DCUN1D4: variants seen among roughly 807,000 people sequenced by gnomAD.
DCUN1D4 encodes DCN1-like protein 4.
DCUN1D4 carries 22 observed loss-of-function variants against 47.9 expected under a neutral mutation model. The ratio of observed to expected loss-of-function variants is 0.46; its 90% CI spans 0.33 to 0.66. The LOEUF is 0.66. DCUN1D4 is among the 30% of genes least tolerant of loss of function. DCUN1D4 has a pLI of 0.02. For synonymous variants in DCUN1D4, 121 were observed against 112.2 expected, an observed-to-expected ratio of 1.08 and a Z score of -0.50; for missense variants, 301 against 340.8, an observed-to-expected ratio of 0.88 and a Z score of 0.92.
chr4:51,865,758 A>G (rs543876689), intron 3 of DCUN1D4, among the ~76,000 whole-genome samples: 12 of 152,296 alleles, frequency 7.9e-5, no homozygotes, highest in African/African-American at 2.4e-4. Flanking sequence ...TTCAGAATCA[A>G]TTGAAAATTA....
intron 1 of DCUN1D4, among the ~76,000 whole-genome samples, chr4:51,849,240 A>G (rs1723003868): frequency 6.6e-6 from 1 of 152,162 alleles, no homozygotes; most frequent in Admixed American, 6.5e-5. Context: ...AGAGTAGCCC[A>G]TGTGGCCATT....
chr4:51,856,577 T>C (rs1724177410), intron 1 of DCUN1D4, among the ~76,000 whole-genome samples: 1 of 152,230 alleles, frequency 6.6e-6, no homozygotes, highest in Non-Finnish European at 1.5e-5. Flanking sequence ...TATTTTTGCT[T>C]TTATTGGAAA....
At chr4:51,841,087 C>T (rs190580344), upstream of DCUN1D4, among the ~76,000 whole-genome samples, 2 of 152,280 alleles carry the variant, frequency 1.3e-5, no homozygotes, top group Admixed American at 6.5e-5. Flanking sequence ...CTCTTATACA[C>T]ATTATTATAA....
At chr4:51,897,286 A>C (rs996873158) in intron 7 of DCUN1D4, among the ~76,000 whole-genome samples, 3 of 152,204 alleles carry the variant, frequency 2.0e-5, no homozygotes, top group African/African-American at 7.2e-5. Context: ...ATAGTTTATC[A>C]TATCAACAAA....
chr4:51,916,535 T>C lies in DCUN1D4; in HGVS notation c.*2951T>C, dbSNP rs1276198778. 1 of 152,622 alleles carries C rather than the reference T, an allele frequency of 6.6e-6. No individual in the cohort carries two copies. Among genetic ancestry groups the C allele is most frequent in the Non-Finnish European group, 1.5e-5 (1 of 68,028 alleles). 9.5% of individuals were successfully genotyped at this position (152,622 alleles called of 1,614,324 possible). The stretch of plus-strand genomic sequence containing the variant: ...ATGTTGTATAATAAATGTATAGATT[T>C]CATTGACCAACTAAAATGTTGGGTG... On this transcript the variant is annotated 3_prime_UTR_variant, in exon 11 of 11. Transcript: ENST00000334635.
At chr4:51,877,718 A>G (rs1339286428) in intron 4 of DCUN1D4, 45 bp from the exon 5 acceptor site, 1 of 1,190,636 alleles carries the variant, frequency 8.4e-7, no homozygotes, top group East Asian at 2.3e-5. Flanking sequence ...ACTTTAAAGA[A>G]CTCAGTATCT....
intron 3 of DCUN1D4, among the ~76,000 whole-genome samples, chr4:51,867,893 G>A (rs141406961): frequency 2.6e-5 from 4 of 152,190 alleles, no homozygotes; most frequent in Non-Finnish European, 5.9e-5. Flanking sequence ...TGGTGCCCAC[G>A]GCGCTCAGGT....
chr4:51,850,745 C>G (rs911773271), intron 1 of DCUN1D4, among the ~76,000 whole-genome samples: 5 of 152,020 alleles, frequency 3.3e-5, no homozygotes, highest in Admixed American at 1.3e-4. Context: ...CATGCAGGCA[C>G]CCCTGTGTGC....
intron 7 of DCUN1D4, among the ~76,000 whole-genome samples, chr4:51,894,289 A>G (rs904658087): frequency 9.2e-5 from 14 of 152,202 alleles, no homozygotes; most frequent in Non-Finnish European, 1.9e-4. Context: ...CTCATCAGTG[A>G]GGTGGAGATA....
At chr4:51,844,738 T>C (rs1455728042) in intron 1 of DCUN1D4, 2 of 752,422 alleles carry the variant, frequency 2.7e-6, no homozygotes, top group African/African-American at 3.8e-5. Flanking sequence ...TTGTCTCCAG[T>C]CAACGGGTAT....
chr4:51,874,417 T>C (rs1461393674), intron 4 of DCUN1D4, 32 bp downstream of exon 4: 1 of 1,510,930 alleles, frequency 6.6e-7, no homozygotes, highest in African/African-American at 1.4e-5. Flanking sequence ...TCAGAATCAG[T>C]GATACATATG....
intron 7 of DCUN1D4, among the ~76,000 whole-genome samples, chr4:51,896,169 G>GT (rs1215735060): frequency 6.6e-6 from 1 of 152,148 alleles, no homozygotes; most frequent in Non-Finnish European, 1.5e-5. Context: ...TATTACTTGT[G>GT]TTTTTTATGT....
intron 5 of DCUN1D4, among the ~76,000 whole-genome samples, chr4:51,882,696 G>A (rs914687280): frequency 6.6e-5 from 10 of 152,256 alleles, no homozygotes; most frequent in African/African-American, 1.9e-4. Context: ...GAACCCGGCA[G>A]GCAGAGCTTG....
At chr4:51,863,374 G>C in intron 1 of DCUN1D4, 63 bp from the exon 2 acceptor site, 1 of 1,274,854 alleles carries the variant, frequency 7.8e-7, no homozygotes, top group Non-Finnish European at 1.1e-6. Context: ...TTTATTTTCT[G>C]AGTTTGTTTT....
At chr4:51,841,394 T>C (rs896015558), upstream of DCUN1D4, among the ~76,000 whole-genome samples, 3 of 152,176 alleles carry the variant, frequency 2.0e-5, no homozygotes, top group South Asian at 2.1e-4. Flanking sequence ...AGGGCGGATA[T>C]TCTTACTGCT....
At chr4:51,913,491 A>G (rs145441461) in intron 10 of DCUN1D4, 38 bp from the exon 11 acceptor site, 10 of 1,572,094 alleles carry the variant, frequency 6.4e-6, no homozygotes, top group Admixed American at 1.7e-5. Flanking sequence ...TATTGTTATT[A>G]TTATTATTAT....
At chr4:51,893,410 T>TTTTTC (rs374096991) in intron 7 of DCUN1D4, among the ~76,000 whole-genome samples, 2,493 of 151,644 alleles carry the variant, frequency 0.016, 27 homozygotes, top group Middle Eastern at 0.021. Flanking sequence ...CATTGCTTCC[T>TTTTTC]TTTTCTTTTC....
upstream of DCUN1D4, among the ~76,000 whole-genome samples, chr4:51,840,010 A>G (rs1157133847): frequency 1.3e-5 from 2 of 152,244 alleles, no homozygotes; most frequent in African/African-American, 2.4e-5. Context: ...AATAAAATAG[A>G]AAAATTCCAA....
At chr4:51,877,979 T>TGGAC in intron 5 of DCUN1D4, 125 bp downstream of exon 5, 3 of 529,552 alleles carry the variant, frequency 5.7e-6, no homozygotes, top group East Asian at 6.1e-5. Context: ...GTGTCCCTGT[T>TGGAC]AGAGGGAGAG....
Sources: gnomAD v4.1 joint callset for allele counts (sites outside exome capture counted in the v4.1 genomes callset) on GRCh38, gnomAD v4.1.1 for gene constraint, MANE v1.5 for transcripts, NCBI Gene and HGNC (gene_info 2026-07-23, HGNC 2026-07-21) for gene names.